Variants in SHROOM2 observed in about 807,000 individuals in gnomAD.
SHROOM2 encodes shroom family member 2, also known as protein Shroom2.
Under a neutral mutation model 75.9 loss-of-function variants are expected in SHROOM2, and 33 were observed. The observed-to-expected ratio is 0.43, with a 90% CI of 0.33 to 0.58. The LOEUF (loss-of-function observed/expected upper bound fraction) is 0.58, where lower values mean the gene tolerates loss of function less well. SHROOM2 is among the 20% of genes least tolerant of loss of function. SHROOM2 has a pLI of 0.04. For synonymous variants in SHROOM2, 655 were observed against 663.6 expected (o/e 0.99, Z 0.20); for missense variants, 1,434 against 1,461.2 (o/e 0.98, Z 0.30).
At chrX:9,816,060 T>C (rs974134110) in intron 1 of SHROOM2, among the ~76,000 whole-genome samples, 1 of 112,594 alleles carries the variant, frequency 8.9e-6, no homozygotes, top group African/African-American at 3.2e-5. Context: ...GTCATTTGTG[T>C]CTGGTTTATC....
In SHROOM2 at chrX:9,946,938, G is replaced by C; in HGVS notation, c.*1G>C. 7 of 1,191,944 alleles carry C rather than the reference G, an allele frequency of 5.9e-6. No homozygotes were observed. The highest frequency in any genetic ancestry group is 7.9e-6 in the Non-Finnish European group (7 of 884,727). ...CCTTCAGCCCGAAAGGGGCAAATAA[G>C]AGACCAGTCCCCGGTGGAGGAGGGG... On this transcript the variant is annotated 3_prime_UTR_variant, in exon 10 of 10. Coordinates refer to ENST00000380913, the MANE Select transcript of SHROOM2 (RefSeq NM_001649.4).
chrX:9,920,699 C>T (rs1569169945), intron 5 of SHROOM2, among the ~76,000 whole-genome samples: 3 of 111,795 alleles, frequency 2.7e-5, no homozygotes, highest in Non-Finnish European at 3.8e-5. Flanking sequence ...GGAATCTTGG[C>T]ATGAAATCCA....
chrX:9,936,882 C>A (rs762155707), intron 6 of SHROOM2, among the ~76,000 whole-genome samples: 11 of 111,892 alleles, frequency 9.8e-5, no homozygotes, highest in Non-Finnish European at 1.9e-4. Context: ...CCTTGGGATG[C>A]CTCAGGGGTG....
chrX:9,851,328 C>CA (rs1041080199), intron 1 of SHROOM2, among the ~76,000 whole-genome samples: 2 of 110,548 alleles, frequency 1.8e-5, no homozygotes, highest in African/African-American at 6.6e-5. Context: ...ATTTTGAGAT[C>CA]ATTATAGCTT....
intron 5 of SHROOM2, among the ~76,000 whole-genome samples, chrX:9,924,067 A>G (rs1288387638): frequency 8.9e-6 from 1 of 112,326 alleles, no homozygotes; most frequent in Admixed American, 9.4e-5. Flanking sequence ...CCCACATGGC[A>G]CTAGAATCCT....
intron 1 of SHROOM2, among the ~76,000 whole-genome samples, chrX:9,804,587 G>A (rs1029312217): frequency 2.7e-5 from 3 of 111,534 alleles, no homozygotes; most frequent in East Asian, 2.8e-4. Context: ...CTCTGGAAAC[G>A]TGCCATCTGA....
At chrX:9,899,914 C>T (rs2084356608) in intron 5 of SHROOM2, among the ~76,000 whole-genome samples, 1 of 112,006 alleles carries the variant, frequency 8.9e-6, no homozygotes, top group Non-Finnish European at 1.9e-5. Flanking sequence ...CCTTGCTTTG[C>T]CCGATGCCAC....
At chrX:9,939,056 C>T (rs1321620234) in intron 7 of SHROOM2, 139 bp from the exon 8 acceptor site, 3 of 449,045 alleles carry the variant, frequency 6.7e-6, no homozygotes, top group Non-Finnish European at 1.1e-5. Flanking sequence ...CTTACTTTTC[C>T]CCCTTTGGCT....
chrX:9,907,815 C>G (rs1231169741), intron 5 of SHROOM2, among the ~76,000 whole-genome samples: 1 of 111,916 alleles, frequency 8.9e-6, no homozygotes, highest in Non-Finnish European at 1.9e-5. Context: ...CAGCCACATC[C>G]GTTTGCTCAC....
intron 1 of SHROOM2, among the ~76,000 whole-genome samples, chrX:9,802,571 TGTAATCATTG>T (rs1233531040): frequency 1.8e-5 from 2 of 111,735 alleles, no homozygotes; most frequent in Non-Finnish European, 3.8e-5. Flanking sequence ...GGTGGCCCTC[TGTAATCATTG>T]GTCTTGCAGC....
At chrX:9,841,863 G>A (rs1341115351) in intron 1 of SHROOM2, among the ~76,000 whole-genome samples, 1 of 111,100 alleles carries the variant, frequency 9.0e-6, no homozygotes, top group Non-Finnish European at 1.9e-5. Flanking sequence ...GCAACATAGG[G>A]AAACTGTCTC....
intron 4 of SHROOM2, among the ~76,000 whole-genome samples, chrX:9,896,989 T>A (rs1053492060): frequency 2.7e-5 from 3 of 112,344 alleles, no homozygotes; most frequent in African/African-American, 9.7e-5. Context: ...ACCTTCATAC[T>A]CAGCAAAGAA....
intron 1 of SHROOM2, among the ~76,000 whole-genome samples, chrX:9,857,857 G>A (rs1987269773): frequency 9.0e-6 from 1 of 110,815 alleles, no homozygotes; most frequent in Non-Finnish European, 1.9e-5. Flanking sequence ...CCCGACACTG[G>A]GTAGTGGCTG....
rs2084658032 is a variant in SHROOM2, at chrX:9,932,431, C to T, written c.3148C>T (p.Pro1050Ser). 1.7e-6 allele frequency: 2 copies of T among 1,206,961 alleles called. No homozygotes were observed. Among genetic ancestry groups the T allele is most frequent in the Admixed American group, 4.4e-5 (2 of 45,600 alleles). ...PLHARGQDSWPVSSALLSKRP... is the reference protein window; with the variant it reads ...PLHARGQDSWSVSSALLSKRP... Reference sequence around the variant, plus strand: ...GCATGCTCGAGGACAAGACTCGTGGCCAGTGAGCTCAGCCCTGCTCTCCAA... The same window carrying T: ...GCATGCTCGAGGACAAGACTCGTGGTCAGTGAGCTCAGCCCTGCTCTCCAA... The change falls in exon 6 of 10, where the codon CCA (proline) becomes TCA (serine). Residue 1050 changes from proline (P) to serine (S), a missense_variant. Coordinates refer to ENST00000380913, the MANE Select transcript of SHROOM2 (RefSeq NM_001649.4).
chrX:9,934,036 G>T (rs1005943531), intron 6 of SHROOM2, among the ~76,000 whole-genome samples: 13 of 111,637 alleles, frequency 1.2e-4, no homozygotes, highest in Admixed American at 3.8e-4. Context: ...GCCACTCAGG[G>T]TCTGCAGTGT....
At chrX:9,926,516 T>C (rs1026224381) in intron 5 of SHROOM2, among the ~76,000 whole-genome samples, 1 of 111,509 alleles carries the variant, frequency 9.0e-6, no homozygotes, top group African/African-American at 3.3e-5. Context: ...GCTGCTTACT[T>C]ACCCTGGACA....
chrX:9,921,346 A>T (rs1030867024), intron 5 of SHROOM2, among the ~76,000 whole-genome samples: 1 of 112,186 alleles, frequency 8.9e-6, no homozygotes, highest in Non-Finnish European at 1.9e-5. Context: ...TTTAATGTAT[A>T]CAACTTGATG....
Position 9,895,413 on chromosome X carries a change from G to A in SHROOM2, c.1505G>A (p.Gly502Glu). 1 of 1,206,081 alleles carries A rather than the reference G, an allele frequency of 8.3e-7. No individual in the cohort carries two copies. Among genetic ancestry groups the A allele is most frequent in the Non-Finnish European group, 1.1e-6 (1 of 893,256 alleles). ...AGCWPSDTALGALESLPPPTV... is the reference protein window; with the variant it reads ...AGCWPSDTALEALESLPPPTV... ...TGCTGGCCTTCTGACACAGCCCTTGGAGCCCTCGAGAGTCTTCCCCCACCC... is the reference window on the plus strand; with the variant it reads ...TGCTGGCCTTCTGACACAGCCCTTGAAGCCCTCGAGAGTCTTCCCCCACCC... The change falls in exon 4 of 10, where the codon GGA (glycine) becomes GAA (glutamate). Residue 502 changes from glycine (G) to glutamate (E), a missense_variant. Around this residue, in one of 3 missense-constraint regions of SHROOM2, gnomAD observed 1,340 missense variants for 1,338.3 expected, o/e 1.00. Coordinates refer to ENST00000380913, the MANE Select transcript of SHROOM2 (RefSeq NM_001649.4).
intron 1 of SHROOM2, among the ~76,000 whole-genome samples, chrX:9,793,321 G>A (rs1417090676): frequency 2.0e-5 from 2 of 102,290 alleles, no homozygotes; most frequent in East Asian, 3.0e-4. Flanking sequence ...TGAAAGTCTC[G>A]TCCTGCCACT....
Sources: gnomAD v4.1 joint callset for allele counts (sites outside exome capture counted in the v4.1 genomes callset) on GRCh38, gnomAD v4.1.1 for gene constraint, gnomAD v4.1.1 regional missense constraint, MANE v1.5 for transcripts, NCBI Gene and HGNC (gene_info 2026-07-23, HGNC 2026-07-21) for gene names.